Variants in CCSER1 observed in about 807,000 individuals in gnomAD.
CCSER1 encodes coiled-coil serine rich protein 1.
In CCSER1, 41 loss-of-function variants were observed where a neutral mutation model predicts 82.0. The ratio of observed to expected loss-of-function variants is 0.50; its 90% CI spans 0.39 to 0.65. The LOEUF (loss-of-function observed/expected upper bound fraction) is 0.65. CCSER1 is among the 30% of genes least tolerant of loss of function. The pLI is 0.00. For synonymous variants in CCSER1, 414 were observed against 383.9 expected (o/e 1.08, Z -0.92); for missense variants, 1,119 against 1,064.2 (o/e 1.05, Z -0.72).
intron 7 of CCSER1, among the ~76,000 whole-genome samples, chr4:90,786,258 T>G (rs1221168848): frequency 6.6e-6 from 1 of 152,198 alleles, no homozygotes; most frequent in Non-Finnish European, 1.5e-5. Flanking sequence ...TAGAAACTAC[T>G]GTGGTGAACT....
intron 1 of CCSER1, among the ~76,000 whole-genome samples, chr4:90,297,827 C>T (rs1425092621): frequency 6.6e-6 from 1 of 152,078 alleles, no homozygotes; most frequent in Non-Finnish European, 1.5e-5. Flanking sequence ...ACCAGCCTTG[C>T]ATCCCAGGAA....
intron 1 of CCSER1, among the ~76,000 whole-genome samples, chr4:90,160,456 T>A (rs1371329294): frequency 6.6e-6 from 1 of 152,076 alleles, no homozygotes. Context: ...TATCAGGAGA[T>A]TTCAGTGACA....
chr4:91,216,334 G>A (rs1039910900), intron 10 of CCSER1, among the ~76,000 whole-genome samples: 1 of 151,950 alleles, frequency 6.6e-6, no homozygotes, highest in African/African-American at 2.4e-5. Context: ...TTTTTTGTTT[G>A]TTTGAGACAG....
chr4:90,999,184 G>A (rs879823871), intron 9 of CCSER1, among the ~76,000 whole-genome samples: 1 of 152,062 alleles, frequency 6.6e-6, no homozygotes, highest in Non-Finnish European at 1.5e-5. Flanking sequence ...ATAGTATTGC[G>A]ATGAACATGT....
chr4:90,267,156 G>A (rs967877352), intron 1 of CCSER1, among the ~76,000 whole-genome samples: 4 of 151,932 alleles, frequency 2.6e-5, no homozygotes, highest in Non-Finnish European at 5.9e-5. Context: ...GCCACAAGCT[G>A]ACTGAAGAGT....
intron 10 of CCSER1, among the ~76,000 whole-genome samples, chr4:91,254,548 G>C (rs1740523556): frequency 6.6e-6 from 1 of 152,096 alleles, no homozygotes. Flanking sequence ...AATGAAAAGG[G>C]AAAAGAGGGA....
intron 1 of CCSER1, among the ~76,000 whole-genome samples, chr4:90,143,483 T>TACACACACACACACAC (rs1331230610): frequency 3.8e-5 from 3 of 78,288 alleles, no homozygotes; most frequent in Non-Finnish European, 8.5e-5. Flanking sequence ...TCCTAGCAAG[T>TACACACACACACACAC]ACACACATAC....
intron 10 of CCSER1, among the ~76,000 whole-genome samples, chr4:91,510,606 GT>G (rs1219335555): frequency 3.9e-5 from 6 of 152,212 alleles, no homozygotes; most frequent in Admixed American, 3.3e-4. Context: ...TTCCACGTTT[GT>G]TGGCCATTTG....
At chr4:91,231,998 G>A (rs934695997) in intron 10 of CCSER1, among the ~76,000 whole-genome samples, 1 of 151,856 alleles carries the variant, frequency 6.6e-6, no homozygotes. Flanking sequence ...ATCAGAAATT[G>A]CCAACTTCAC....
At chr4:91,171,638 T>C (rs996487351) in intron 10 of CCSER1, among the ~76,000 whole-genome samples, 8 of 152,182 alleles carry the variant, frequency 5.3e-5, no homozygotes, top group African/African-American at 1.9e-4. Context: ...TTTGATTCCA[T>C]TGAGCTCAAT....
At chr4:91,411,491 C>CATATATATAT (rs770013398) in intron 10 of CCSER1, among the ~76,000 whole-genome samples, 2,491 of 53,058 alleles carry the variant, frequency 0.047, 185 homozygotes, top group Non-Finnish European at 0.057. Flanking sequence ...TGCATATATA[C>CATATATATAT]ATATATATAT....
At chr4:90,975,176 C>T (rs1735492358) in intron 9 of CCSER1, among the ~76,000 whole-genome samples, 1 of 151,094 alleles carries the variant, frequency 6.6e-6, no homozygotes, top group Admixed American at 6.6e-5. Context: ...TTTATGGAGA[C>T]AGAAAGTATA....
At chr4:90,622,483 T>C (rs1487294341) in intron 5 of CCSER1, among the ~76,000 whole-genome samples, 5 of 152,182 alleles carry the variant, frequency 3.3e-5, no homozygotes, top group Non-Finnish European at 4.4e-5. Context: ...GTGTTCTCAT[T>C]ATTCAATTCC....
At chr4:90,824,224 T>A (rs1056470910) in intron 8 of CCSER1, among the ~76,000 whole-genome samples, 3 of 152,096 alleles carry the variant, frequency 2.0e-5, no homozygotes, top group African/African-American at 7.2e-5. Flanking sequence ...TATTCTTACT[T>A]GAGTGTAAGT....
chr4:90,271,854 ATATATATATTTTTTTTTT>A (rs1342919460), intron 1 of CCSER1, among the ~76,000 whole-genome samples: 8 of 25,658 alleles, frequency 3.1e-4, no homozygotes, highest in African/African-American at 2.7e-3. Flanking sequence ...ATATATATAT[ATATATATATTTTTTTTTT>A]TTTTTTTTTT....
At chr4:90,656,500 T>C (rs2149073554) in intron 6 of CCSER1, among the ~76,000 whole-genome samples, 1 of 151,984 alleles carries the variant, frequency 6.6e-6, no homozygotes, top group South Asian at 2.1e-4. Flanking sequence ...TTGTGCGATA[T>C]CTATTTTCCA....
chr4:90,568,511 A>G (rs1779682623), intron 5 of CCSER1, among the ~76,000 whole-genome samples: 1 of 152,120 alleles, frequency 6.6e-6, no homozygotes, highest in Non-Finnish European at 1.5e-5. Context: ...CTGCAGGAAT[A>G]TATTTTTTCA....
At chr4:90,514,999 A>G (rs941897732) in intron 5 of CCSER1, among the ~76,000 whole-genome samples, 1 of 151,780 alleles carries the variant, frequency 6.6e-6, no homozygotes, top group Non-Finnish European at 1.5e-5. Context: ...CTGGGACTAC[A>G]GGCATGTGCC....
At chr4:90,373,219 A>G (rs551222685) in intron 3 of CCSER1, among the ~76,000 whole-genome samples, 1 of 152,172 alleles carries the variant, frequency 6.6e-6, no homozygotes, top group African/African-American at 2.4e-5. Flanking sequence ...GACGAGACAT[A>G]TAAAGTGAAA....
Sources: allele counts gnomAD v4.1 joint callset (sites outside exome capture counted in the v4.1 genomes callset), GRCh38; gene constraint gnomAD v4.1.1; transcripts MANE v1.5; gene names NCBI Gene and HGNC (gene_info 2026-07-23, HGNC 2026-07-21).